SLC9C2: variants seen among roughly 807,000 people sequenced by gnomAD.
The protein encoded by SLC9C2 is solute carrier family 9 member C2 (putative), also known as sodium/hydrogen exchanger 11.
SLC9C2 carries 75 observed loss-of-function variants against 140.2 expected under a neutral mutation model. That is an observed-to-expected ratio of 0.53 (90% confidence interval 0.44 to 0.65). The LOEUF (loss-of-function observed/expected upper bound fraction) is 0.65. Ranked by LOEUF, SLC9C2 falls within the 30% of genes least tolerant of loss-of-function variation. The probability of loss-of-function intolerance (pLI) is 0.00; values close to 1 mark genes in which losing one functional copy is unlikely to be tolerated. For missense variants in SLC9C2, 1,074 were observed against 1,331.8 expected, an observed-to-expected ratio of 0.81 and a Z score of 3.01; for synonymous variants, 375 against 420.9, an observed-to-expected ratio of 0.89 and a Z score of 1.34.
intron 11 of SLC9C2, among the ~76,000 whole-genome samples, chr1:173,549,445 T>A (rs756704029): frequency 2.3e-4 from 35 of 152,284 alleles, no homozygotes; most frequent in Middle Eastern, 3.4e-3. Flanking sequence ...AAGGAGAAAA[T>A]GTATTCATTT....
chr1:173,564,605 T>G (rs892120217), intron 9 of SLC9C2, among the ~76,000 whole-genome samples: 7 of 151,830 alleles, frequency 4.6e-5, no homozygotes, highest in Non-Finnish European at 8.8e-5. Flanking sequence ...GTTATGAAAC[T>G]CTCACCAGAT....
intron 25 of SLC9C2, 97 bp downstream of exon 25, chr1:173,506,759 C>T: frequency 1.0e-6 from 1 of 986,992 alleles, no homozygotes; most frequent in African/African-American, 1.6e-5. Context: ...AGGGTCATTC[C>T]AGGTTAAATT....
At chr1:173,563,753 T>C (rs1447608665) in intron 9 of SLC9C2, among the ~76,000 whole-genome samples, 1 of 152,140 alleles carries the variant, frequency 6.6e-6, no homozygotes, top group Admixed American at 6.5e-5. Flanking sequence ...ACAATTAAAT[T>C]ATCAACTATA....
intron 19 of SLC9C2, among the ~76,000 whole-genome samples, chr1:173,525,288 T>G (rs1312574764): frequency 6.6e-6 from 1 of 152,180 alleles, no homozygotes; most frequent in East Asian, 1.9e-4. Context: ...AATGACACAA[T>G]GAAAGTACCC....
At chr1:173,540,237 T>A (rs116735382) in intron 13 of SLC9C2, among the ~76,000 whole-genome samples, 1 of 152,100 alleles carries the variant, frequency 6.6e-6, no homozygotes, top group Non-Finnish European at 1.5e-5. Flanking sequence ...AGTGAGGACA[T>A]CCTGGACCCT....
intron 16 of SLC9C2, among the ~76,000 whole-genome samples, 159 bp downstream of exon 16, chr1:173,534,325 A>C (rs1253745786): frequency 6.6e-6 from 1 of 152,096 alleles, no homozygotes; most frequent in Non-Finnish European, 1.5e-5. Context: ...TTTCACTATT[A>C]AACTTGGAAA....
At position 173,501,128 on chromosome 1, in the gene SLC9C2, G is replaced by T. The variant is rs76023032; in HGVS notation, c.3372-31C>A. The T allele has an allele frequency of 2.0e-3, 2,940 of 1,504,126 alleles. 33 individuals carry two copies. In the African/African-American group the frequency reaches 0.032, roughly 17 times the overall value. The allele number at this position is 1,504,126 out of a possible 1,614,324, so 93.2% of individuals were successfully genotyped here. A position where few individuals can be genotyped will look rare whatever the true frequency, so the allele number is the denominator to read the frequency against. ...AAAGAAAGTCAAAAGTTAAATATTAGCCTATAAACATTTCAGGAAAAACTT... is the reference window on the plus strand; with the variant it reads ...AAAGAAAGTCAAAAGTTAAATATTATCCTATAAACATTTCAGGAAAAACTT... On this transcript the variant is annotated intron_variant, in intron 27 of 27. Transcript: ENST00000367714.
Position 173,524,816 on chromosome 1 carries a change from C to T in SLC9C2, c.2477G>A (p.Gly826Asp). Residue 826 changes from glycine (G) to aspartate (D), a missense_variant, in exon 20 of 28, where the codon GGC becomes GAC. By Grantham distance (94) the Gly-to-Asp change is moderately conservative (BLOSUM62 -1). Coordinates refer to ENST00000367714, the MANE Select transcript of SLC9C2 (RefSeq NM_178527.4). ...AATGACTTCATGCTTATCAATAATG[C>T]CTCTTGAACAAAGGAAGGTGAGATT... is the stretch of plus-strand genomic sequence containing the variant. ...LKNLTFLCSR[G>D]IIDKHEVIEI... 1 of 1,613,950 alleles carries T rather than the reference C, an allele frequency of 6.2e-7. No individual in the cohort carries two copies. The highest frequency in any genetic ancestry group is 1.3e-5 in the African/African-American group (1 of 75,004).
intron 5 of SLC9C2, among the ~76,000 whole-genome samples, chr1:173,586,981 G>A (rs905680332): frequency 2.0e-5 from 3 of 151,838 alleles, no homozygotes; most frequent in Non-Finnish European, 2.9e-5. Flanking sequence ...CATTCTGCAC[G>A]TGTATCCCAT....
At chr1:173,544,973 T>C (rs1008506146) in intron 13 of SLC9C2, among the ~76,000 whole-genome samples, 1 of 152,162 alleles carries the variant, frequency 6.6e-6, no homozygotes, top group African/African-American at 2.4e-5. Flanking sequence ...AACCTGCACG[T>C]TGTGCACATG....
chr1:173,534,351 T>C (rs1181256668), intron 16 of SLC9C2, 133 bp downstream of exon 16: 1 of 955,072 alleles, frequency 1.0e-6, no homozygotes, highest in Non-Finnish European at 1.5e-6. Context: ...AAAAGCTTAC[T>C]AAAATTCTAG....
At chr1:173,511,323 C>T (rs373810595) in intron 23 of SLC9C2, among the ~76,000 whole-genome samples, 11 of 152,234 alleles carry the variant, frequency 7.2e-5, no homozygotes, top group South Asian at 6.2e-4. Flanking sequence ...AGCCACCGTG[C>T]CTGGCCCATT....
At chr1:173,580,359 T>G (rs1665452466) in intron 7 of SLC9C2, among the ~76,000 whole-genome samples, 1 of 152,030 alleles carries the variant, frequency 6.6e-6, no homozygotes, top group Non-Finnish European at 1.5e-5. Context: ...ATAACACTTT[T>G]TTTTTTTTTT....
At chr1:173,601,594 AT>A in intron 2 of SLC9C2, 55 bp downstream of exon 2, 2 of 1,580,938 alleles carry the variant, frequency 1.3e-6, no homozygotes, top group Non-Finnish European at 1.7e-6. Context: ...GGCTTTCTGC[AT>A]TGACAAAAGG....
intron 2 of SLC9C2, among the ~76,000 whole-genome samples, chr1:173,601,369 T>G (rs2102287019): frequency 6.6e-6 from 1 of 152,344 alleles, no homozygotes; most frequent in African/African-American, 2.4e-5. Flanking sequence ...CACTGCATAG[T>G]AATTATGTGT....
chr1:173,564,876 A>T (rs1664359351), intron 9 of SLC9C2, among the ~76,000 whole-genome samples: 1 of 150,316 alleles, frequency 6.7e-6, no homozygotes, highest in African/African-American at 2.4e-5. Flanking sequence ...TGACCTCATG[A>T]TCTGCCCGCC....
chr1:173,577,648 A>G (rs1188457164), intron 7 of SLC9C2, among the ~76,000 whole-genome samples: 2 of 152,206 alleles, frequency 1.3e-5, no homozygotes, highest in Non-Finnish European at 2.9e-5. Context: ...CCCCGTAACT[A>G]TAAAATAGGT....
intron 26 of SLC9C2, among the ~76,000 whole-genome samples, chr1:173,504,318 G>A (rs924894278): frequency 1.3e-5 from 2 of 152,084 alleles, no homozygotes; most frequent in Non-Finnish European, 2.9e-5. Context: ...CCCTATGAAG[G>A]CAAACACCTT....
intron 11 of SLC9C2, among the ~76,000 whole-genome samples, chr1:173,551,065 T>C (rs1449416021): frequency 1.4e-5 from 2 of 142,000 alleles, no homozygotes; most frequent in African/African-American, 4.9e-5. Context: ...AGTTCTGCAA[T>C]AGTGTTTATG....
Sources: allele counts gnomAD v4.1 joint callset (sites outside exome capture counted in the v4.1 genomes callset), GRCh38; gene constraint gnomAD v4.1.1; transcripts MANE v1.5; gene names NCBI Gene and HGNC (gene_info 2026-07-23, HGNC 2026-07-21).